BRD10: variants seen among roughly 807,000 people sequenced by gnomAD.
BRD10 encodes the protein uncharacterized bromodomain-containing protein 10.
the BRD10 span, chr9:5,897,583 T>C: frequency 1.9e-6 from 3 of 1,614,162 alleles, no homozygotes; most frequent in South Asian, 1.1e-5. Flanking sequence ...ATCCTGACAG[T>C]GATCCTGGGA....
the BRD10 span, among the ~76,000 whole-genome samples, chr9:5,937,228 CAAAAA>C: frequency 1.1e-5 from 1 of 90,714 alleles, no homozygotes; most frequent in African/African-American, 4.3e-5. Flanking sequence ...GACTCTGCCT[CAAAAA>C]AAAAAAAAAA....
At chr9:5,914,569 A>T in the BRD10 span, among the ~76,000 whole-genome samples, 1 of 151,422 alleles carries the variant, frequency 6.6e-6, no homozygotes, top group African/African-American at 2.4e-5. Context: ...GACTATAGGC[A>T]CCCACCACCA....
chr9:5,977,631 A>G, the BRD10 span, among the ~76,000 whole-genome samples: 2 of 152,112 alleles, frequency 1.3e-5, no homozygotes, highest in East Asian at 1.9e-4. Context: ...GCAGATCACG[A>G]GGTCAGGAGA....
chr9:5,961,356 G>A, the BRD10 span, among the ~76,000 whole-genome samples: 4 of 152,110 alleles, frequency 2.6e-5, no homozygotes, highest in Non-Finnish European at 4.4e-5. Flanking sequence ...TAGGTAATGA[G>A]GAAAGGGCTA....
At chr9:5,908,671 T>G in the BRD10 span, 1 of 1,614,118 alleles carries the variant, frequency 6.2e-7, no homozygotes, top group South Asian at 1.1e-5. Context: ...TATGAGAAAC[T>G]CTCTGCAGAA....
At chr9:6,007,516 T>C in the BRD10 span, 9 of 1,612,884 alleles carry the variant, frequency 5.6e-6, no homozygotes, top group African/African-American at 9.3e-5. Context: ...GTGCTTCTCC[T>C]GCAGGAACTC....
chr9:5,974,188 A>G, the BRD10 span, among the ~76,000 whole-genome samples: 1 of 152,220 alleles, frequency 6.6e-6, no homozygotes, highest in East Asian at 1.9e-4. Flanking sequence ...TGAGAGATCT[A>G]TTAATAGCAA....
the BRD10 span, among the ~76,000 whole-genome samples, chr9:5,926,909 C>T: frequency 6.6e-6 from 1 of 152,172 alleles, no homozygotes; most frequent in Non-Finnish European, 1.5e-5. Flanking sequence ...GTACTTACCT[C>T]TCAGTACGTG....
chr9:5,969,437 C>G, the BRD10 span: 1 of 1,521,664 alleles, frequency 6.6e-7, no homozygotes, highest in Non-Finnish European at 8.8e-7. Context: ...CTCCCGAAGC[C>G]TAAAGAAATT....
chr9:5,988,414 C>G, the BRD10 span: 1 of 1,613,902 alleles, frequency 6.2e-7, no homozygotes, highest in African/African-American at 1.3e-5. Flanking sequence ...TTCAAAAACT[C>G]CACTTGTCAA....
the BRD10 span, among the ~76,000 whole-genome samples, chr9:5,980,609 T>C: frequency 6.6e-6 from 1 of 151,984 alleles, no homozygotes; most frequent in South Asian, 2.1e-4. Flanking sequence ...CATTTAAAGA[T>C]TGTAAAAAAT....
At chr9:5,943,749 T>G in the BRD10 span, among the ~76,000 whole-genome samples, 5 of 152,206 alleles carry the variant, frequency 3.3e-5, no homozygotes, top group Non-Finnish European at 7.4e-5. Context: ...TATGCACTTT[T>G]CCACATTCTC....
the BRD10 span, chr9:5,898,058 A>AT: frequency 8.7e-3 from 1,391 of 159,766 alleles, no homozygotes; most frequent in South Asian, 0.027. Context: ...AGCTGAACTC[A>AT]TTTTTTTTTT....
At chr9:5,890,189 T>C in the BRD10 span, among the ~76,000 whole-genome samples, 1 of 152,240 alleles carries the variant, frequency 6.6e-6, no homozygotes, top group Non-Finnish European at 1.5e-5. Context: ...TGGGTTTCCA[T>C]GTTCACGTGT....
the BRD10 span, chr9:6,007,309 T>A: frequency 6.2e-7 from 1 of 1,613,798 alleles, no homozygotes; most frequent in Non-Finnish European, 8.5e-7. Flanking sequence ...CAACCTGAAG[T>A]CCGCCACGAA....
the BRD10 span, among the ~76,000 whole-genome samples, chr9:5,916,526 T>TGC: frequency 6.8e-6 from 1 of 146,886 alleles, no homozygotes. Context: ...CATATGTGTG[T>TGC]ATATATATGT....
the BRD10 span, among the ~76,000 whole-genome samples, chr9:5,962,028 A>G: frequency 6.6e-6 from 1 of 152,128 alleles, no homozygotes. Flanking sequence ...TAGCTTTTGA[A>G]TATGTTTGCT....
chr9:5,961,028 G>A, the BRD10 span, among the ~76,000 whole-genome samples: 1 of 152,170 alleles, frequency 6.6e-6, no homozygotes, highest in Non-Finnish European at 1.5e-5. Context: ...TACATATTAA[G>A]GAGTTAGTTT....
At chr9:5,952,359 G>T in the BRD10 span, among the ~76,000 whole-genome samples, 1 of 152,056 alleles carries the variant, frequency 6.6e-6, no homozygotes, top group Non-Finnish European at 1.5e-5. Context: ...AAAATATTTT[G>T]ACCATGACCC....
Sources: gnomAD v4.1 joint callset for allele counts (sites outside exome capture counted in the v4.1 genomes callset) on GRCh38, gnomAD v4.1.1 for gene constraint, MANE v1.5 for transcripts, NCBI Gene and HGNC (gene_info 2026-07-23, HGNC 2026-07-21) for gene names.